WSCD2: variants seen among roughly 807,000 people sequenced by gnomAD.
WSCD2 encodes sialate:O-sulfotransferase 2.
A neutral mutation model predicts 55.7 loss-of-function variants in WSCD2; 28 were observed. The ratio of observed to expected loss-of-function variants is 0.50; its 90% CI spans 0.37 to 0.69. The LOEUF (loss-of-function observed/expected upper bound fraction) is 0.69. Among genes scored for constraint, WSCD2 ranks in the 30% least tolerant of loss-of-function variants. The pLI is 0.00. For missense variants in WSCD2, 616 were observed against 762.1 expected (o/e 0.81, Z 2.26); for synonymous variants, 301 against 301.9 (o/e 1.00, Z 0.03).
chr12:108,247,568 T>C (rs1890175334), intron 8 of WSCD2, among the ~76,000 whole-genome samples: 2 of 152,070 alleles, frequency 1.3e-5, no homozygotes, highest in Non-Finnish European at 2.9e-5. Flanking sequence ...TTCTTTTTGT[T>C]TTTTAGAGGC....
intron 5 of WSCD2, 82 bp downstream of exon 5, chr12:108,224,942 A>G (rs1030727058): frequency 6.4e-6 from 10 of 1,550,544 alleles, no homozygotes; most frequent in Admixed American, 1.9e-5. Context: ...TTGGCTGGAG[A>G]AGCAACAGCT....
At chr12:108,153,102 C>CAAACAAAT (rs1878182775) in intron 1 of WSCD2, among the ~76,000 whole-genome samples, 1 of 13,962 alleles carries the variant, frequency 7.2e-5, no homozygotes, top group South Asian at 5.2e-3. Context: ...GACTCTGTCT[C>CAAACAAAT]AAACAAACAA....
At chr12:108,219,351 G>A (rs184405847) in intron 4 of WSCD2, among the ~76,000 whole-genome samples, 60 of 152,236 alleles carry the variant, frequency 3.9e-4, no homozygotes, top group Middle Eastern at 3.4e-3. Flanking sequence ...CCCAGAGGTC[G>A]GCATCCACAT....
intron 1 of WSCD2, among the ~76,000 whole-genome samples, chr12:108,163,910 A>G (rs1879327954): frequency 6.6e-6 from 1 of 152,180 alleles, no homozygotes; most frequent in South Asian, 2.1e-4. Context: ...GGAAACTAAT[A>G]TACTAAGCAT....
intron 1 of WSCD2, among the ~76,000 whole-genome samples, chr12:108,176,176 C>T (rs1880838764): frequency 6.6e-6 from 1 of 152,180 alleles, no homozygotes; most frequent in Admixed American, 6.5e-5. Flanking sequence ...TATTGAGTAT[C>T]GTTTACCTAC....
chr12:108,182,466 C>T (rs1051325213), intron 1 of WSCD2, among the ~76,000 whole-genome samples: 11 of 152,200 alleles, frequency 7.2e-5, no homozygotes, highest in Non-Finnish European at 1.3e-4. Flanking sequence ...TGAGACAGGT[C>T]TCAATCAGTT....
chr12:108,221,792 T>C lies in WSCD2; in HGVS notation c.683-2947T>C, dbSNP rs1371759837. ...TAGGCATGAGAGTTACTGCATAGTT[T>C]AACTCCCAGTCCTCGTTTATATGTG... On this transcript the variant is annotated intron_variant, in intron 4 of 8. Coordinates refer to ENST00000547525, the MANE Select transcript of WSCD2 (RefSeq NM_014653.4). 7.2e-5 allele frequency among the ~76,000 whole-genome samples: 11 copies of C among 152,306 alleles called. No homozygotes were observed. The East Asian group carries it at 1.4e-3, about 19-fold the overall frequency.
intron 1 of WSCD2, among the ~76,000 whole-genome samples, chr12:108,133,811 G>C (rs1414335765): frequency 6.6e-6 from 1 of 152,148 alleles, no homozygotes; most frequent in African/African-American, 2.4e-5. Context: ...TACTTAGGAC[G>C]GCTGCTGAAC....
intron 1 of WSCD2, among the ~76,000 whole-genome samples, chr12:108,141,335 A>G (rs1876785017): frequency 6.6e-6 from 1 of 152,186 alleles, no homozygotes; most frequent in Admixed American, 6.5e-5. Flanking sequence ...TCCTGGACTC[A>G]AGCGATGCTC....
At chr12:108,228,895 C>T (rs894415948) in intron 6 of WSCD2, among the ~76,000 whole-genome samples, 4 of 152,094 alleles carry the variant, frequency 2.6e-5, no homozygotes, top group African/African-American at 7.2e-5. Flanking sequence ...TGTTAGCTTT[C>T]GGGGAAGTGC....
chr12:108,248,191 G>A lies in WSCD2; in HGVS notation c.1546G>A (p.Gly516Ser). ...RLLCVESQKD[G>S]NFKRSGLRKL... ...GCTCTGTGTGGAGAGCCAGAAGGAT[G>A]GCAACTTCAAGCGCTCAGGGCTCCG... is the stretch of plus-strand genomic sequence containing the variant. The change falls in exon 9 of 9, where the codon GGC becomes AGC. Residue 516 changes from glycine to serine, a missense_variant. Physicochemically the swap from Gly to Ser is moderately conservative, Grantham distance 56. This residue lies in a region of WSCD2 where 234 missense variants were observed against 264.6 expected (regional missense o/e 0.88). Coordinates refer to ENST00000547525, the MANE Select transcript of WSCD2 (RefSeq NM_014653.4). The surrounding 1 kb of genome is among the most constrained non-coding windows in gnomAD (Gnocchi z 4.3). The A allele has an allele frequency of 6.2e-7, 1 of 1,614,192 alleles. No individual in the cohort carries two copies. Among genetic ancestry groups the A allele is most frequent in the Non-Finnish European group, 8.5e-7 (1 of 1,180,036 alleles).
At chr12:108,205,220 C>T (rs1057157714) in intron 2 of WSCD2, among the ~76,000 whole-genome samples, 3 of 152,126 alleles carry the variant, frequency 2.0e-5, no homozygotes, top group African/African-American at 7.2e-5. Context: ...GCTCTGAAAC[C>T]AGATTGCTTG....
At chr12:108,146,947 AT>A (rs2136900347) in intron 1 of WSCD2, among the ~76,000 whole-genome samples, 1 of 152,356 alleles carries the variant, frequency 6.6e-6, no homozygotes, top group Non-Finnish European at 1.5e-5. Flanking sequence ...CATACAAAAC[AT>A]TTATACATCT....
chr12:108,224,320 T>C (rs1482148018), intron 4 of WSCD2, among the ~76,000 whole-genome samples: 5 of 152,102 alleles, frequency 3.3e-5, no homozygotes, highest in Admixed American at 2.0e-4. Context: ...AGCCCCAGAA[T>C]CCTTGCTTCC....
chr12:108,232,441 C>T (rs1888870817), intron 6 of WSCD2, among the ~76,000 whole-genome samples: 1 of 152,158 alleles, frequency 6.6e-6, no homozygotes, highest in Non-Finnish European at 1.5e-5. Context: ...GATTCACCCT[C>T]CTAGCTGACT....
intron 1 of WSCD2, among the ~76,000 whole-genome samples, chr12:108,163,509 C>T (rs1391228613): frequency 6.6e-6 from 1 of 152,198 alleles, no homozygotes; most frequent in African/African-American, 2.4e-5. Context: ...AATATGGTAC[C>T]TTAAGCATGG....
intron 1 of WSCD2, among the ~76,000 whole-genome samples, chr12:108,172,675 A>G (rs1243455490): frequency 1.3e-5 from 2 of 152,188 alleles, no homozygotes; most frequent in Non-Finnish European, 2.9e-5. Flanking sequence ...CAACTGCTAG[A>G]AGCTGGAAGA....
intron 1 of WSCD2, among the ~76,000 whole-genome samples, chr12:108,149,377 TAAAC>T (rs2136907850): frequency 6.6e-6 from 1 of 152,326 alleles, no homozygotes; most frequent in African/African-American, 2.4e-5. Flanking sequence ...CTTTGCAGTT[TAAAC>T]AAACAACCAA....
chr12:108,241,933 G>T (rs1889778076), intron 8 of WSCD2, among the ~76,000 whole-genome samples: 2 of 152,188 alleles, frequency 1.3e-5, no homozygotes, highest in African/African-American at 4.8e-5. Flanking sequence ...GCTGGGATTT[G>T]AACTCAGGGA....
Sources: allele counts gnomAD v4.1 joint callset (sites outside exome capture counted in the v4.1 genomes callset), GRCh38; gene constraint gnomAD v4.1.1; regional missense constraint gnomAD v4.1.1; non-coding constraint Gnocchi (gnomAD v3.1); transcripts MANE v1.5; gene names NCBI Gene and HGNC (gene_info 2026-07-23, HGNC 2026-07-21).